Variants in PRRC2B observed in about 807,000 individuals in gnomAD.
PRRC2B encodes the protein proline rich coiled-coil 2B.
A neutral mutation model predicts 242.3 loss-of-function variants in PRRC2B; 68 were observed. The ratio of observed to expected loss-of-function variants is 0.28; its 90% CI spans 0.23 to 0.34. PRRC2B has a LOEUF of 0.34. PRRC2B is among the 10% of genes least tolerant of loss of function. The pLI is 1.00. For synonymous variants in PRRC2B, 1,228 were observed against 1,173.6 expected, an observed-to-expected ratio of 1.05 and a Z score of -0.95; for missense variants, 2,835 against 2,954.8, an observed-to-expected ratio of 0.96 and a Z score of 0.94.
intron 1 of PRRC2B, among the ~76,000 whole-genome samples, chr9:131,414,237 C>T (rs116860451): frequency 2.3e-3 from 349 of 150,938 alleles, no homozygotes; most frequent in Non-Finnish European, 4.2e-3. Context: ...ACTTTTATCA[C>T]AAATCATATC....
intron 3 of PRRC2B, among the ~76,000 whole-genome samples, chr9:131,433,591 T>C (rs951961989): frequency 6.6e-6 from 1 of 152,222 alleles, no homozygotes; most frequent in African/African-American, 2.4e-5. Flanking sequence ...AGGGCCTTGC[T>C]GAGGCTGGCA....
chr9:131,455,172 G>A lies in PRRC2B; in HGVS notation c.1211+6G>A, dbSNP rs1943036261. On this transcript the variant is annotated splice_donor_region_variant and intron_variant, in intron 10 of 31. Transcript: ENST00000683519. ...AAGGACGGCAGGCCAAAGTGGTAAG[G>A]ACCCGTTCCTGCCCTATCAGCATGA... 6.2e-7 allele frequency: 1 copy of A among 1,605,690 alleles called. No homozygotes were observed. The highest frequency in any genetic ancestry group is 2.2e-5 in the East Asian group (1 of 44,820).
At chr9:131,445,123 C>T (rs1216005843) in intron 6 of PRRC2B, among the ~76,000 whole-genome samples, 1 of 151,876 alleles carries the variant, frequency 6.6e-6, no homozygotes, top group East Asian at 1.9e-4. Flanking sequence ...CCAGCACTCA[C>T]TGCCTTTCCA....
intron 1 of PRRC2B, among the ~76,000 whole-genome samples, chr9:131,411,628 C>G (rs1347425894): frequency 6.6e-6 from 1 of 152,146 alleles, no homozygotes; most frequent in Non-Finnish European, 1.5e-5. Flanking sequence ...CAGGCATGAG[C>G]CACTGCGCCT....
Position 131,476,221 on chromosome 9 carries a change from G to A in PRRC2B, c.4092G>A (p.Gln1364=). 6.2e-7 allele frequency: 1 copy of A among 1,613,358 alleles called. No individual in the cohort carries two copies. Among genetic ancestry groups the A allele is most frequent in the Non-Finnish European group, 8.5e-7 (1 of 1,179,738 alleles). Residue 1364 remains glutamine, a synonymous_variant, in exon 16 of 32, where the codon CAG becomes CAA. Transcript: ENST00000683519. ...VGRRSPELSY[Q]NSSDHANEEW... is the part of the protein sequence containing the mutation. ...GCAGGTCCCCTGAGCTCTCCTACCAGAACTCCTCCGATCACGCCAATGAGG... is the reference window on the plus strand; with the variant it reads ...GCAGGTCCCCTGAGCTCTCCTACCAAAACTCCTCCGATCACGCCAATGAGG...
intron 1 of PRRC2B, among the ~76,000 whole-genome samples, chr9:131,409,194 G>T (rs1837443049): frequency 6.6e-6 from 1 of 151,878 alleles, no homozygotes. Flanking sequence ...GGCTAATTTT[G>T]TATTTTTAAT....
rs1132743 is a variant in PRRC2B at position 131,496,903 on chromosome 9, A to G, written c.*1029A>G. On this transcript the variant is annotated 3_prime_UTR_variant, in exon 32 of 32. Transcript: ENST00000683519. ...TCTGGGGCTCCATACCCTGCCCTGCAGGGGTGCTGTGTTTTTCACACATTT... is the reference window on the plus strand; with the variant it reads ...TCTGGGGCTCCATACCCTGCCCTGCGGGGGTGCTGTGTTTTTCACACATTT... 15,675 of 152,334 alleles carry G rather than the reference A, an allele frequency of 0.1. 1,152 individuals are homozygous for G. Among genetic ancestry groups the G allele is most frequent in the Non-Finnish European group, 0.15 (9,962 of 68,050 alleles). 9.4% of individuals were successfully genotyped at this position (152,334 alleles called of 1,614,324 possible).
Position 131,447,666 on chromosome 9 carries a change from G to GA in PRRC2B, c.986dup (p.Asn329LysfsTer34). 1 of 1,594,016 alleles carries GA rather than the reference G, an allele frequency of 6.3e-7. No individual in the cohort carries two copies. The highest frequency in any genetic ancestry group is 8.6e-7 in the Non-Finnish European group (1 of 1,167,806). ...CATCATCTTTTCTTTTATCAGAAAA[G>GA]AAAACAGGCTGGGATTGTCTCGCCC... On this transcript the variant is annotated frameshift_variant, in exon 9 of 32. Coordinates refer to ENST00000683519, the MANE Select transcript of PRRC2B (RefSeq NM_013318.4). LOFTEE classifies it high-confidence loss of function.
Position 131,464,902 on chromosome 9 carries a change from G to A in PRRC2B, c.1544G>A (p.Arg515His), listed in dbSNP as rs763401741. 19 of 1,613,368 alleles carry A rather than the reference G, an allele frequency of 1.2e-5. No individual in the cohort carries two copies. Among genetic ancestry groups the A allele is most frequent in the South Asian group, 3.3e-5 (3 of 91,058 alleles). The part of the protein sequence containing the change: ...RARKRREEEE[R>H]RAREERLAAC... ...CGAAAGCGCCGGGAAGAAGAGGAGC[G>A]CCGAGCCCGGGAGGAGAGGCTGGCC... Residue 515 changes from arginine (R) to histidine (H), a missense_variant, in exon 12 of 32, where the codon CGC (arginine) becomes CAC (histidine). Arg to His is a conservative substitution (Grantham distance 29). Transcript: ENST00000683519.
At chr9:131,467,505 T>C in intron 12 of PRRC2B, 58 bp from the exon 13 acceptor site, 1 of 1,416,014 alleles carries the variant, frequency 7.1e-7, no homozygotes, top group Non-Finnish European at 9.6e-7. Context: ...TGTAAACACT[T>C]GGTTGGCTGA....
chr9:131,490,391 T>G, intron 28 of PRRC2B: 1 of 512,212 alleles, frequency 2.0e-6, no homozygotes, highest in African/African-American at 1.9e-5. Flanking sequence ...AAGTCAGCAC[T>G]CTATAAATGG....
At chr9:131,456,329 TTTAAAA>T (rs1257040530) in intron 10 of PRRC2B, among the ~76,000 whole-genome samples, 4 of 151,902 alleles carry the variant, frequency 2.6e-5, no homozygotes, top group African/African-American at 2.4e-5. Flanking sequence ...TAGTAGCACT[TTTAAAA>T]TAATACCCCA....
intron 1 of PRRC2B, among the ~76,000 whole-genome samples, chr9:131,420,592 A>C (rs1024222267): frequency 6.8e-6 from 1 of 147,424 alleles, no homozygotes; most frequent in Non-Finnish European, 1.5e-5. Flanking sequence ...CTTGGGTTCA[A>C]GTGAGTCCTG....
chr9:131,399,436 GGGCGTGGTGGC>G (rs1032779943), intron 1 of PRRC2B, among the ~76,000 whole-genome samples: 5 of 151,756 alleles, frequency 3.3e-5, no homozygotes, highest in Admixed American at 2.0e-4. Context: ...AAAATTAGCC[GGGCGTGGTGGC>G]GGGCGCCTGT....
intron 9 of PRRC2B, among the ~76,000 whole-genome samples, chr9:131,454,574 T>G (rs1366398420): frequency 6.6e-6 from 1 of 151,910 alleles, no homozygotes; most frequent in Admixed American, 6.6e-5. Context: ...TCTGCTGGGA[T>G]AGCGAGATTT....
intron 11 of PRRC2B, among the ~76,000 whole-genome samples, chr9:131,464,250 T>C (rs936767623): frequency 1.3e-5 from 2 of 152,184 alleles, no homozygotes; most frequent in African/African-American, 4.8e-5. Context: ...CCAACATGCT[T>C]AATAAAGATC....
chr9:131,476,728 T>TCCCACC (rs1043609723), intron 16 of PRRC2B, among the ~76,000 whole-genome samples, 193 bp downstream of exon 16: 10 of 148,186 alleles, frequency 6.7e-5, no homozygotes, highest in South Asian at 6.5e-4. Context: ...TGGCTAGAGC[T>TCCCACC]CCCACCCCCA....
rs541891710 is a variant in PRRC2B at position 131,444,380 on chromosome 9, C to G, written c.613+52C>G. ...CGATGGAGTAACAGAACTTCCTCCT[C>G]TCATCTCTCTGCACTCCTAAAAGGG... On this transcript the variant is annotated intron_variant, in intron 6 of 31. Coordinates refer to ENST00000683519, the MANE Select transcript of PRRC2B (RefSeq NM_013318.4). 4 of 1,576,116 alleles carry G rather than the reference C, an allele frequency of 2.5e-6. No homozygotes were observed. In the African/African-American group the frequency reaches 4.0e-5, roughly 16 times the overall value.
At chr9:131,479,957 G>A (rs1002415642) in intron 19 of PRRC2B, among the ~76,000 whole-genome samples, 1 of 151,976 alleles carries the variant, frequency 6.6e-6, no homozygotes, top group Non-Finnish European at 1.5e-5. Flanking sequence ...AATTTTTCTG[G>A]GAATTTTTCC....
Sources: gnomAD v4.1 joint callset for allele counts (sites outside exome capture counted in the v4.1 genomes callset) on GRCh38, gnomAD v4.1.1 for gene constraint, MANE v1.5 for transcripts, NCBI Gene and HGNC (gene_info 2026-07-23, HGNC 2026-07-21) for gene names.